TNKS: variants seen among roughly 807,000 people sequenced by gnomAD.
TNKS encodes poly [ADP-ribose] polymerase tankyrase-1.
TNKS carries 72 observed loss-of-function variants against 135.8 expected under a neutral mutation model. The ratio of observed to expected loss-of-function variants is 0.53; its 90% CI spans 0.44 to 0.64. The LOEUF (loss-of-function observed/expected upper bound fraction) is 0.64, where lower values mean the gene tolerates loss of function less well. Among genes scored for constraint, TNKS ranks in the 30% least tolerant of loss-of-function variants. TNKS has a pLI of 0.00. For synonymous variants in TNKS, 849 were observed against 649.3 expected (o/e 1.31, Z -4.68); for missense variants, 1,769 against 1,674.0 (o/e 1.06, Z -0.99).
Position 9,555,964 on chromosome 8 carries a change from C to T in TNKS, c.25C>T (p.His9Tyr), listed in dbSNP as rs1246505703. The T allele has an allele frequency of 1.2e-6, 2 of 1,613,210 alleles. No individual in the cohort carries two copies. The highest frequency in any genetic ancestry group is 8.5e-7 in the Non-Finnish European group (1 of 1,179,788). The part of the protein sequence containing the change: MAASRRSQ[H>Y]HHHHHQQQLQ... ...GATGGCGGCGTCGCGTCGCTCTCAG[C>T]ATCATCACCACCATCATCAACAACA... The change falls in exon 1 of 27, where the codon CAT becomes TAT. Residue 9 changes from histidine (H) to tyrosine (Y), a missense_variant. Physicochemically the swap from His to Tyr is moderately conservative, Grantham distance 83 (BLOSUM62 2). Coordinates refer to ENST00000310430, the MANE Select transcript of TNKS (RefSeq NM_003747.3).
chr8:9,679,046 G>A (rs1178285870), intron 3 of TNKS, among the ~76,000 whole-genome samples: 2 of 152,020 alleles, frequency 1.3e-5, no homozygotes, highest in Non-Finnish European at 2.9e-5. Flanking sequence ...TTGTTTGTTA[G>A]ATCTTGAATA....
intron 5 of TNKS, among the ~76,000 whole-genome samples, chr8:9,689,036 G>T (rs1461669771): frequency 6.6e-6 from 1 of 152,130 alleles, no homozygotes; most frequent in African/African-American, 2.4e-5. Flanking sequence ...ACCTCACAAA[G>T]ACCCTGTCTC....
At position 9,642,190 on chromosome 8, in the gene TNKS, C is replaced by T. The variant is rs567958447; in HGVS notation, c.994+26513C>T. On this transcript the variant is annotated intron_variant, in intron 3 of 26. Transcript: ENST00000310430. ...CCATTCCTAGGTAATTATTTGCAGA[C>T]GCCATTATACAAATGGCTGATTCTA... Among the ~76,000 whole-genome samples, 63 of 146,236 alleles carry T rather than the reference C, an allele frequency of 4.3e-4. 7 individuals are homozygous for T. In the South Asian group the frequency reaches 5.7e-3, roughly 13 times the overall value.
At chr8:9,650,805 A>G (rs1039616462) in intron 3 of TNKS, among the ~76,000 whole-genome samples, 1 of 152,126 alleles carries the variant, frequency 6.6e-6, no homozygotes, top group Admixed American at 6.6e-5. Context: ...TGCTGTGCAG[A>G]AGATTTTTAG....
chr8:9,656,828 G>C (rs577618627), intron 3 of TNKS, among the ~76,000 whole-genome samples: 106 of 141,898 alleles, frequency 7.5e-4, no homozygotes, highest in African/African-American at 2.7e-3. Flanking sequence ...GACTCTTAAC[G>C]AGCATGCTGC....
intron 11 of TNKS, among the ~76,000 whole-genome samples, chr8:9,710,746 A>C (rs1804285739): frequency 6.6e-6 from 1 of 152,122 alleles, no homozygotes. Flanking sequence ...AATACAAAAA[A>C]TTAGCCGGGC....
intron 2 of TNKS, among the ~76,000 whole-genome samples, chr8:9,594,912 A>G (rs1195657274): frequency 3.3e-5 from 5 of 152,174 alleles, no homozygotes; most frequent in African/African-American, 1.2e-4. Context: ...AGTTTGTCAC[A>G]CTGTCTATTT....
At chr8:9,675,944 A>T (rs553994975) in intron 3 of TNKS, among the ~76,000 whole-genome samples, 5 of 151,510 alleles carry the variant, frequency 3.3e-5, no homozygotes, top group African/African-American at 1.2e-4. Flanking sequence ...ACTTTTATAT[A>T]ATGCAAAGTG....
At chr8:9,707,770 A>C (rs1804116806) in intron 8 of TNKS, among the ~76,000 whole-genome samples, 2 of 152,036 alleles carry the variant, frequency 1.3e-5, no homozygotes, top group African/African-American at 4.8e-5. Context: ...TCTTTGAAAA[A>C]TTTTCAAGCT....
At chr8:9,616,066 C>T (rs924151976) in intron 3 of TNKS, among the ~76,000 whole-genome samples, 3 of 152,154 alleles carry the variant, frequency 2.0e-5, no homozygotes, top group African/African-American at 7.2e-5. Flanking sequence ...CTGCCTGCTG[C>T]CTTATTTCTT....
At chr8:9,742,265 A>C (rs1022713405) in intron 17 of TNKS, among the ~76,000 whole-genome samples, 2 of 150,900 alleles carry the variant, frequency 1.3e-5, no homozygotes, top group African/African-American at 2.4e-5. Flanking sequence ...GATGACTGTT[A>C]CTTTTTTTTG....
At chr8:9,572,577 C>G (rs562882484) in intron 1 of TNKS, among the ~76,000 whole-genome samples, 1 of 152,178 alleles carries the variant, frequency 6.6e-6, no homozygotes, top group Non-Finnish European at 1.5e-5. Context: ...ATAGCAGATA[C>G]GTTTTCTCCA....
At chr8:9,660,487 C>G (rs1225766497) in intron 3 of TNKS, among the ~76,000 whole-genome samples, 1 of 152,130 alleles carries the variant, frequency 6.6e-6, no homozygotes, top group African/African-American at 2.4e-5. Context: ...AGACAAAAAC[C>G]ACATGATTAT....
chr8:9,708,106 T>G (rs567639966), intron 8 of TNKS, among the ~76,000 whole-genome samples: 2 of 152,290 alleles, frequency 1.3e-5, no homozygotes, highest in East Asian at 3.9e-4. Context: ...GGTTTCCTGT[T>G]TCAAAATTTT....
intron 1 of TNKS, among the ~76,000 whole-genome samples, chr8:9,564,126 C>T (rs543331215): frequency 4.6e-5 from 7 of 152,158 alleles, no homozygotes; most frequent in South Asian, 4.2e-4. Flanking sequence ...GAACCTTAAC[C>T]GGAGACATTG....
chr8:9,562,788 T>G (rs1180186601), intron 1 of TNKS, among the ~76,000 whole-genome samples: 1 of 152,022 alleles, frequency 6.6e-6, no homozygotes, highest in Non-Finnish European at 1.5e-5. Context: ...GAAGGTCTGA[T>G]GAGAATGGGA....
intron 3 of TNKS, among the ~76,000 whole-genome samples, chr8:9,654,707 T>C (rs1170923696): frequency 1.3e-5 from 2 of 152,212 alleles, no homozygotes; most frequent in Non-Finnish European, 1.5e-5. Context: ...TCTGTGTTCT[T>C]AGATTCCTGT....
intron 1 of TNKS, chr8:9,557,183 G>T (rs1000239454): frequency 1.3e-5 from 2 of 154,178 alleles, no homozygotes; most frequent in African/African-American, 4.8e-5. Flanking sequence ...AGAATATTTG[G>T]ATGCATTATA....
intron 17 of TNKS, among the ~76,000 whole-genome samples, chr8:9,735,875 A>G (rs186863750): frequency 2.6e-5 from 4 of 152,196 alleles, no homozygotes; most frequent in East Asian, 1.9e-4. Flanking sequence ...AATGCATACT[A>G]TGCATTAAGT....
Sources: gnomAD v4.1 joint callset for allele counts (sites outside exome capture counted in the v4.1 genomes callset) on GRCh38, gnomAD v4.1.1 for gene constraint, MANE v1.5 for transcripts, NCBI Gene and HGNC (gene_info 2026-07-23, HGNC 2026-07-21) for gene names.